SNX19: variants seen among roughly 807,000 people sequenced by gnomAD.
The protein encoded by SNX19 is sorting nexin 19, also known as sorting nexin-19.
In SNX19, 60 loss-of-function variants were observed where a neutral mutation model predicts 85.2. That is an observed-to-expected ratio of 0.70 (90% CI 0.57 to 0.87). The LOEUF is 0.87. Among genes scored for constraint, SNX19 ranks in the 40% least tolerant of loss-of-function variants. SNX19 has a pLI of 0.00. For synonymous variants in SNX19, 520 were observed against 470.0 expected (o/e 1.11, Z -1.38); for missense variants, 1,201 against 1,217.8 (o/e 0.99, Z 0.21).
At chr11:130,907,282 T>C (rs1039726914) in intron 5 of SNX19, among the ~76,000 whole-genome samples, 1 of 152,224 alleles carries the variant, frequency 6.6e-6, no homozygotes, top group Non-Finnish European at 1.5e-5. Flanking sequence ...GGTTAGGTAC[T>C]GTGAGTCTGT....
chr11:130,911,143 C>T (rs567825264), intron 2 of SNX19, among the ~76,000 whole-genome samples: 21 of 148,614 alleles, frequency 1.4e-4, no homozygotes, highest in Admixed American at 2.0e-4. Flanking sequence ...TGCAGTGAGC[C>T]GAGATTGCAC....
chr11:130,884,871 CAAAA>C (rs34426333), intron 8 of SNX19, among the ~76,000 whole-genome samples: 23 of 64,990 alleles, frequency 3.5e-4, no homozygotes, highest in Non-Finnish European at 3.1e-5. Flanking sequence ...GACTCCATCT[CAAAA>C]AAAAAAAAAA....
At chr11:130,913,616 TG>T (rs1946316229) in intron 1 of SNX19, among the ~76,000 whole-genome samples, 1 of 152,164 alleles carries the variant, frequency 6.6e-6, no homozygotes, top group Non-Finnish European at 1.5e-5. Flanking sequence ...TAAAATCCAA[TG>T]GGTAGGATCT....
intron 7 of SNX19, chr11:130,905,522 G>T: frequency 1.7e-6 from 1 of 590,252 alleles, no homozygotes; most frequent in Non-Finnish European, 2.8e-6. Context: ...AGGACAGCGA[G>T]CCAAAAATCA....
Position 130,877,025 on chromosome 11 carries a change from G to GA in SNX19, c.*1396dup, listed in dbSNP as rs1004102871. 6.6e-6 allele frequency: 1 copy of GA among 152,222 alleles called. No individual in the cohort carries two copies. The highest frequency in any genetic ancestry group is 2.4e-5 in the African/African-American group (1 of 41,458). The allele number at this position is 152,222 out of a possible 1,614,324, so 9.4% of individuals were successfully genotyped here. ...AATTGTGTGCTCATCACCGACTTCA[G>GA]AATCTAAGAGAACTTTGACACTTGT... is the stretch of plus-strand genomic sequence containing the variant. On this transcript the variant is annotated 3_prime_UTR_variant, in exon 11 of 11. Transcript: ENST00000265909.
rs192382209 is a variant in SNX19 at position 130,901,154 on chromosome 11, C to T, written c.2573+2101G>A. 1.4e-4 allele frequency among the ~76,000 whole-genome samples: 21 copies of T among 152,288 alleles called. No individual in the cohort carries two copies. The East Asian group carries it at 3.5e-3, about 25-fold the overall frequency. The stretch of plus-strand genomic sequence containing the variant: ...TTTAGCAGCATCCTTGGCCTACATC[C>T]ACTAGATGCCAGTAGGCATCCCACA... On this transcript the variant is annotated intron_variant, in intron 8 of 10. Coordinates refer to ENST00000265909, the MANE Select transcript of SNX19 (RefSeq NM_014758.3).
rs61910787 is a variant in SNX19, at chr11:130,874,578, G to A, written c.*3844C>T. 0.44 allele frequency among the ~76,000 whole-genome samples: 66,478 copies of A among 152,036 alleles called. 14,817 individuals are homozygous for A. The highest frequency in any genetic ancestry group is 0.56 in the South Asian group (2,702 of 4,816). On this transcript the variant is annotated 3_prime_UTR_variant, in exon 11 of 11. Coordinates refer to ENST00000265909, the MANE Select transcript of SNX19 (RefSeq NM_014758.3). ...CAAACTCCTGGGCTTACCTACTCAC[G>A]TACTAATGTTATGAAATAAAATAAA...
intron 1 of SNX19, among the ~76,000 whole-genome samples, chr11:130,912,449 G>A (rs60290660): frequency 0.16 from 24,166 of 152,212 alleles, 2,193 homozygotes; most frequent in Middle Eastern, 0.25. Flanking sequence ...TCCCCAAAGA[G>A]TGAATACCAC....
chr11:130,891,284 G>A (rs1052693946), intron 8 of SNX19, among the ~76,000 whole-genome samples: 2 of 152,128 alleles, frequency 1.3e-5, no homozygotes, highest in South Asian at 2.1e-4. Flanking sequence ...ATGTTGTAAC[G>A]GGTATGCTAG....
At chr11:130,909,072 C>T (rs1290544648) in intron 4 of SNX19, among the ~76,000 whole-genome samples, 1 of 152,202 alleles carries the variant, frequency 6.6e-6, no homozygotes, top group African/African-American at 2.4e-5. Flanking sequence ...GAAAATACAA[C>T]TTGTTCTCCA....
chr11:130,877,549 C>T lies in SNX19; in HGVS notation c.*873G>A, dbSNP rs902742941. 6.6e-6 allele frequency: 1 copy of T among 152,448 alleles called. No homozygotes were observed. Among genetic ancestry groups the T allele is most frequent in the Non-Finnish European group, 1.5e-5 (1 of 68,046 alleles). 9.4% of individuals were successfully genotyped at this position (152,448 alleles called of 1,614,324 possible). A position where few individuals can be genotyped will look rare whatever the true frequency, so the allele number is the denominator to read the frequency against. On this transcript the variant is annotated 3_prime_UTR_variant, in exon 11 of 11. Coordinates refer to ENST00000265909, the MANE Select transcript of SNX19 (RefSeq NM_014758.3). Reference sequence around the variant, plus strand: ...ACAGGAGGCAAGTGCTTTCCATTCTCCTTGGAAAAACTGAGGCTGAATATG... The same window carrying T: ...ACAGGAGGCAAGTGCTTTCCATTCTTCTTGGAAAAACTGAGGCTGAATATG...
chr11:130,872,898 C>A lies in SNX19; in HGVS notation c.*5524G>T, dbSNP rs1276298101. ...TGCTCCAGTGCAAAGTTAGATTGGA[C>A]AAACAGCCGGTGTGGAGGGGGCTGT... On this transcript the variant is annotated 3_prime_UTR_variant, in exon 11 of 11. Transcript: ENST00000265909. Among the ~76,000 whole-genome samples, 4 of 152,170 alleles carry A rather than the reference C, an allele frequency of 2.6e-5. No homozygotes were observed. Among genetic ancestry groups the A allele is most frequent in the Non-Finnish European group, 5.9e-5 (4 of 68,022 alleles).
chr11:130,913,378 C>G (rs1302360207), intron 1 of SNX19, among the ~76,000 whole-genome samples: 1 of 152,252 alleles, frequency 6.6e-6, no homozygotes, highest in Non-Finnish European at 1.5e-5. Context: ...GAGTGTGTGT[C>G]TGTGTGTTCA....
At chr11:130,879,345 C>T (rs1443561432) in intron 10 of SNX19, among the ~76,000 whole-genome samples, 1 of 152,156 alleles carries the variant, frequency 6.6e-6, no homozygotes, top group Non-Finnish European at 1.5e-5. Flanking sequence ...TTTTCAGCAG[C>T]TCATGTGGGG....
At position 130,881,157 on chromosome 11, in the gene SNX19, G is replaced by A. The variant is rs562668730; in HGVS notation, c.2574-351C>T. ...TAGAAACTGTGAGAAATAAATTTCT[G>A]TTGTTTATAAGCCATTCAGTTTATG... On this transcript the variant is annotated intron_variant, in intron 8 of 10. Coordinates refer to ENST00000265909, the MANE Select transcript of SNX19 (RefSeq NM_014758.3). The A allele has an allele frequency of 8.7e-4, 154 of 176,214 alleles. 1 individual carries two copies. Among genetic ancestry groups the A allele is most frequent in the South Asian group, 7.8e-4 (4 of 5,096 alleles). The allele number at this position is 176,214 out of a possible 1,614,324, so 10.9% of individuals were successfully genotyped here.
Position 130,911,471 on chromosome 11 carries a change from T to C in SNX19, c.1813+162A>G, listed in dbSNP as rs1946118619. 2.1e-6 allele frequency: 3 copies of C among 1,455,532 alleles called. No individual in the cohort carries two copies. The Admixed American group carries it at 7.9e-5, about 38-fold the overall frequency. The allele number at this position is 1,455,532 out of a possible 1,614,324, so 90.2% of individuals were successfully genotyped here. A position where few individuals can be genotyped will look rare whatever the true frequency, so the allele number is the denominator to read the frequency against. On this transcript the variant is annotated intron_variant, in intron 2 of 10. Coordinates refer to ENST00000265909, the MANE Select transcript of SNX19 (RefSeq NM_014758.3). ...ACTACCTCTGAAAGAATGTGATTGCTGCTGTCCAGCACTAAACTTCAAAAC... is the reference window on the plus strand; with the variant it reads ...ACTACCTCTGAAAGAATGTGATTGCCGCTGTCCAGCACTAAACTTCAAAAC...
intron 7 of SNX19, among the ~76,000 whole-genome samples, chr11:130,904,193 T>C (rs911184087): frequency 2.0e-5 from 3 of 152,230 alleles, no homozygotes; most frequent in Admixed American, 6.5e-5. Context: ...TTTAAACCTG[T>C]CCTGGGGTTC....
In SNX19 at chr11:130,906,137, A is replaced by G. The variant is rs764212612; in HGVS notation, c.2263-4T>C. Reference sequence around the variant, plus strand: ...ACATGGATAGAGTCTCAGACTCCTAAGAAATAGTCAGTGGCATATCACATA... The same window carrying G: ...ACATGGATAGAGTCTCAGACTCCTAGGAAATAGTCAGTGGCATATCACATA... On this transcript the variant is annotated splice_region_variant and splice_polypyrimidine_tract_variant and intron_variant, in intron 6 of 10. Transcript: ENST00000265909. 1 of 1,612,862 alleles carries G rather than the reference A, an allele frequency of 6.2e-7. No individual in the cohort carries two copies. The highest frequency in any genetic ancestry group is 1.1e-5 in the South Asian group (1 of 90,946).
rs73583847 is a variant in SNX19, at chr11:130,896,310, G to A, written c.2573+6945C>T. Among the ~76,000 whole-genome samples the A allele has an allele frequency of 5.0e-3, 764 of 152,318 alleles. 10 individuals carry two copies. The highest frequency in any genetic ancestry group is 0.018 in the African/African-American group (729 of 41,566). On this transcript the variant is annotated intron_variant, in intron 8 of 10. Transcript: ENST00000265909. Reference sequence around the variant, plus strand: ...TTCCTGAGAAACTCTGAGTCTTAACGTTGATAATCTTTTCCTGATTGTGAA... The same window carrying A: ...TTCCTGAGAAACTCTGAGTCTTAACATTGATAATCTTTTCCTGATTGTGAA...
Sources: allele counts gnomAD v4.1 joint callset (sites outside exome capture counted in the v4.1 genomes callset), GRCh38; gene constraint gnomAD v4.1.1; transcripts MANE v1.5; gene names NCBI Gene and HGNC (gene_info 2026-07-23, HGNC 2026-07-21).